AQP9: variants seen among roughly 807,000 people sequenced by gnomAD.
AQP9 encodes the protein aquaporin 9.
AQP9 carries 19 observed loss-of-function variants against 23.8 expected under a neutral mutation model. The ratio of observed to expected loss-of-function variants is 0.80; its 90% CI spans 0.56 to 1.17. The LOEUF is 1.17. Among genes scored for constraint, AQP9 ranks in the 50% most tolerant of loss-of-function variants. The pLI, the probability that AQP9 is intolerant of heterozygous loss-of-function variation, is 0.00. For missense variants in AQP9, 413 were observed against 362.0 expected, an observed-to-expected ratio of 1.14 and a Z score of -1.14; for synonymous variants, 153 against 131.5, an observed-to-expected ratio of 1.16 and a Z score of -1.12.
chr15:58,174,174 G>A (rs1898687970), intron 3 of AQP9, among the ~76,000 whole-genome samples: 1 of 151,982 alleles, frequency 6.6e-6, no homozygotes, highest in African/African-American at 2.4e-5. Context: ...TGTAGTCCCA[G>A]CTACTCAGGA....
rs1351522216 is a variant in AQP9 at position 58,185,621 on chromosome 15, A to T, written c.*1486A>T. The T allele has an allele frequency of 1.3e-5, 2 of 152,206 alleles. No homozygotes were observed. Among genetic ancestry groups the T allele is most frequent in the African/African-American group, 4.8e-5 (2 of 41,450 alleles). 9.4% of individuals were successfully genotyped at this position (152,206 alleles called of 1,614,324 possible). A position where few individuals can be genotyped will look rare whatever the true frequency, so the allele number is the denominator to read the frequency against. ...CTCTGGCTCAGTCTTTTCCCCTTGA[A>T]GTTCTCTAATAGATGTTACTTTTGA... On this transcript the variant is annotated 3_prime_UTR_variant, in exon 6 of 6. Transcript: ENST00000219919.
chr15:58,162,350 G>A (rs567705145), intron 1 of AQP9, among the ~76,000 whole-genome samples: 2 of 152,326 alleles, frequency 1.3e-5, no homozygotes, highest in Admixed American at 1.3e-4. Context: ...TATGTGAAAG[G>A]CTTATTCTCC....
intron 1 of AQP9, chr15:58,151,216 G>A (rs1036161136): frequency 2.6e-5 from 4 of 151,934 alleles, no homozygotes; most frequent in Admixed American, 1.3e-4. Context: ...AATCCCATTA[G>A]CCTCCTATTA....
intron 1 of AQP9, among the ~76,000 whole-genome samples, chr15:58,164,595 AT>A (rs1481682442): frequency 2.0e-5 from 3 of 152,086 alleles, no homozygotes; most frequent in Non-Finnish European, 4.4e-5. Context: ...GACTCAGGGG[AT>A]TTTTTTGAAA....
chr15:58,174,900 G>A lies in AQP9; in HGVS notation c.377-18G>A, dbSNP rs372698951. The A allele has an allele frequency of 1.2e-6, 2 of 1,605,900 alleles. No homozygotes were observed. Among genetic ancestry groups the A allele is most frequent in the Non-Finnish European group, 1.7e-6 (2 of 1,172,640 alleles). Reference sequence around the variant, plus strand: ...CTTCCCAGGGAACACTAATGTGCCAGAGCTTTCTCTTTCATAGATGGACTT... The same window carrying A: ...CTTCCCAGGGAACACTAATGTGCCAAAGCTTTCTCTTTCATAGATGGACTT... On this transcript the variant is annotated intron_variant, in intron 3 of 5. Transcript: ENST00000219919.
chr15:58,174,336 G>T (rs1452783776), intron 3 of AQP9, among the ~76,000 whole-genome samples: 1 of 151,920 alleles, frequency 6.6e-6, no homozygotes, highest in Non-Finnish European at 1.5e-5. Context: ...TATGGAAAGG[G>T]ACTTTTCCCC....
At chr15:58,170,940 T>C (rs1359777256) in intron 2 of AQP9, among the ~76,000 whole-genome samples, 1 of 151,980 alleles carries the variant, frequency 6.6e-6, no homozygotes, top group Non-Finnish European at 1.5e-5. Flanking sequence ...TTTTTTGTTG[T>C]TGTTGTTGTT....
intron 1 of AQP9, among the ~76,000 whole-genome samples, chr15:58,156,551 T>G (rs1436713507): frequency 4.6e-5 from 7 of 152,146 alleles, no homozygotes; most frequent in African/African-American, 1.7e-4. Flanking sequence ...GTCAAGAAAC[T>G]CCTTGTCAAC....
intron 1 of AQP9, among the ~76,000 whole-genome samples, chr15:58,147,619 C>A (rs1287076637): frequency 6.6e-6 from 1 of 151,804 alleles, no homozygotes; most frequent in Non-Finnish European, 1.5e-5. Context: ...CAGTCAAGAC[C>A]ATAAACGACT....
intron 5 of AQP9, among the ~76,000 whole-genome samples, chr15:58,180,793 G>A (rs1205688212): frequency 2.6e-5 from 4 of 152,128 alleles, no homozygotes; most frequent in Non-Finnish European, 5.9e-5. Flanking sequence ...CAATGCACAC[G>A]GCACACCTCC....
At chr15:58,152,356 C>T (rs1238189020) in intron 1 of AQP9, 5 of 152,144 alleles carry the variant, frequency 3.3e-5, no homozygotes, top group African/African-American at 7.2e-5. Flanking sequence ...TTACTCCCTA[C>T]ATATACTAAT....
intron 4 of AQP9, among the ~76,000 whole-genome samples, chr15:58,176,542 T>A (rs13329178): frequency 0.24 from 36,807 of 151,302 alleles, 4,664 homozygotes; most frequent in Middle Eastern, 0.32. Context: ...AGCGACCATA[T>A]TATAATAGAA....
intron 2 of AQP9, among the ~76,000 whole-genome samples, chr15:58,167,670 A>G (rs773512359): frequency 6.6e-6 from 1 of 152,154 alleles, no homozygotes; most frequent in Non-Finnish European, 1.5e-5. Flanking sequence ...CCAGGCTCAC[A>G]TGATCTGCAT....
At chr15:58,143,084 C>T (rs1257750552) in intron 1 of AQP9, among the ~76,000 whole-genome samples, 11 of 152,218 alleles carry the variant, frequency 7.2e-5, no homozygotes, top group Non-Finnish European at 1.3e-4. Context: ...AAGCTCTTTC[C>T]ACCACAGCAG....
intron 5 of AQP9, 91 bp downstream of exon 5, chr15:58,179,436 A>C (rs1000358730): frequency 1.7e-6 from 2 of 1,207,792 alleles, no homozygotes; most frequent in African/African-American, 3.0e-5. Flanking sequence ...AGGGAAGTTC[A>C]GATGACAGCG....
At chr15:58,139,818 C>T (rs556941928) in intron 1 of AQP9, among the ~76,000 whole-genome samples, 39 of 152,280 alleles carry the variant, frequency 2.6e-4, no homozygotes, top group Non-Finnish European at 5.4e-4. Flanking sequence ...CAGGGAGTTA[C>T]GGACAATTTC....
At chr15:58,156,413 A>G (rs751372251) in intron 1 of AQP9, among the ~76,000 whole-genome samples, 2 of 152,170 alleles carry the variant, frequency 1.3e-5, no homozygotes, top group African/African-American at 4.8e-5. Context: ...CAATCCCCCA[A>G]TCAACTATAA....
chr15:58,179,723 A>G lies in AQP9; in HGVS notation c.713+378A>G, dbSNP rs951939672. On this transcript the variant is annotated intron_variant, in intron 5 of 5. Transcript: ENST00000219919. Reference sequence around the variant, plus strand: ...ACAATTTGCATCCTATGATGCCACTACAGGGCTCTTCCTCGTGAACCACGC... The same window carrying G: ...ACAATTTGCATCCTATGATGCCACTGCAGGGCTCTTCCTCGTGAACCACGC... Among the ~76,000 whole-genome samples the G allele has an allele frequency of 9.8e-5, 15 of 152,336 alleles. No homozygotes were observed. In the East Asian group the frequency reaches 2.7e-3, roughly 27 times the overall value.
chr15:58,152,938 T>G (rs2140596666), intron 1 of AQP9: 1 of 152,288 alleles, frequency 6.6e-6, no homozygotes, highest in South Asian at 2.1e-4. Flanking sequence ...CAGACCCTAA[T>G]ACTAATCAAT....
Sources: allele counts gnomAD v4.1 joint callset (sites outside exome capture counted in the v4.1 genomes callset), GRCh38; gene constraint gnomAD v4.1.1; transcripts MANE v1.5; gene names NCBI Gene and HGNC (gene_info 2026-07-23, HGNC 2026-07-21).